The following ZNF536 variants were observed in gnomAD, a reference collection of about 807,000 sequenced individuals.
The protein encoded by ZNF536 is zinc finger protein 536.
A neutral mutation model predicts 84.5 loss-of-function variants in ZNF536; 13 were observed. The observed-to-expected ratio is 0.15, with a 90% CI of 0.10 to 0.24. The LOEUF is 0.24. ZNF536 is among the 10% of genes least tolerant of loss of function. ZNF536 has a pLI of 1.00. For missense variants in ZNF536, 1,536 were observed against 1,747.5 expected, an observed-to-expected ratio of 0.88 and a Z score of 2.16; for synonymous variants, 811 against 742.5, an observed-to-expected ratio of 1.09 and a Z score of -1.50.
At chr19:30,259,179 A>G (rs79622295) in intron 1 of ZNF536, among the ~76,000 whole-genome samples, 3 of 152,172 alleles carry the variant, frequency 2.0e-5, no homozygotes, top group South Asian at 2.1e-4. Context: ...TTTGCACAGA[A>G]TGGGAACTGG....
At chr19:30,346,918 AAC>A (rs75485758) in intron 2 of ZNF536, among the ~76,000 whole-genome samples, 4,614 of 152,298 alleles carry the variant, frequency 0.03, 114 homozygotes, top group Non-Finnish European at 0.047. Flanking sequence ...TTGAGGAATC[AAC>A]ACAGTCTTCC....
At chr19:30,633,945 A>C (rs1289252733) in intron 1 of ZNF536, among the ~76,000 whole-genome samples, 1 of 152,048 alleles carries the variant, frequency 6.6e-6, no homozygotes, top group Non-Finnish European at 1.5e-5. Flanking sequence ...TCTTCTTTTA[A>C]TCAGCACATC....
chr19:30,555,823 G>A (rs755129826), intron 4 of ZNF536: 1 of 152,274 alleles, frequency 6.6e-6, no homozygotes, highest in Non-Finnish European at 1.5e-5. Flanking sequence ...TAATGAAGAA[G>A]GGAGGTGAAG....
intron 1 of ZNF536, among the ~76,000 whole-genome samples, chr19:30,689,051 C>T (rs914640143): frequency 6.6e-6 from 1 of 152,260 alleles, no homozygotes; most frequent in Non-Finnish European, 1.5e-5. Context: ...GTGTCATCCC[C>T]TTAGACCTGG....
downstream of ZNF536, among the ~76,000 whole-genome samples, chr19:30,558,650 G>A (rs1293045652): frequency 6.6e-6 from 1 of 152,208 alleles, no homozygotes; most frequent in Non-Finnish European, 1.5e-5. Flanking sequence ...TCCTGGTGGG[G>A]AGAGAGGTGT....
chr19:30,397,383 A>C (rs1478961348), intron 1 of ZNF536, among the ~76,000 whole-genome samples: 1 of 152,222 alleles, frequency 6.6e-6, no homozygotes, highest in Non-Finnish European at 1.5e-5. Context: ...AGATGAGTGC[A>C]TGTGAAACTG....
At chr19:30,385,676 C>T (rs1051071631) in intron 1 of ZNF536, among the ~76,000 whole-genome samples, 1 of 152,208 alleles carries the variant, frequency 6.6e-6, no homozygotes, top group African/African-American at 2.4e-5. Context: ...CACCTGTCCA[C>T]CCCTGCGTCT....
intron 4 of ZNF536, chr19:30,554,711 A>G (rs1401451042): frequency 6.6e-6 from 1 of 152,202 alleles, no homozygotes; most frequent in Admixed American, 6.5e-5. Context: ...TACCATAGAC[A>G]ATAGGAAAAT....
chr19:30,456,381 C>G (rs541285234), intron 2 of ZNF536, among the ~76,000 whole-genome samples: 1 of 142,604 alleles, frequency 7.0e-6, no homozygotes, highest in East Asian at 2.1e-4. Flanking sequence ...GTGACCTCAT[C>G]GATCATTCTG....
At chr19:30,515,841 C>CA (rs1178814089) in intron 2 of ZNF536, among the ~76,000 whole-genome samples, 2 of 151,872 alleles carry the variant, frequency 1.3e-5, no homozygotes, top group Admixed American at 6.6e-5. Flanking sequence ...GCCTGGCCAA[C>CA]ATGGTGAAAC....
chr19:30,590,220 C>T (rs550783078), intron 1 of ZNF536, among the ~76,000 whole-genome samples: 8 of 152,206 alleles, frequency 5.3e-5, no homozygotes, highest in Admixed American at 3.9e-4. Flanking sequence ...ACTTGGTGGG[C>T]GTCCTTCTGG....
At chr19:30,373,937 C>T (rs936812590) in intron 1 of ZNF536, among the ~76,000 whole-genome samples, 3 of 152,204 alleles carry the variant, frequency 2.0e-5, no homozygotes, top group African/African-American at 7.2e-5. Flanking sequence ...GGGCCGCAGC[C>T]CACCCGCCGC....
intron 2 of ZNF536, among the ~76,000 whole-genome samples, chr19:30,521,803 C>T (rs913180670): frequency 7.2e-5 from 11 of 152,004 alleles, no homozygotes; most frequent in Admixed American, 4.6e-4. Context: ...GTGCTAACCG[C>T]GGTGATAACT....
At chr19:30,593,455 G>A (rs934394996) in intron 1 of ZNF536, among the ~76,000 whole-genome samples, 2 of 152,106 alleles carry the variant, frequency 1.3e-5, no homozygotes, top group Non-Finnish European at 2.9e-5. Context: ...CAGCAGACAG[G>A]CCACACCCAG....
At chr19:30,702,851 A>T (rs2148012079) in intron 1 of ZNF536, among the ~76,000 whole-genome samples, 1 of 152,320 alleles carries the variant, frequency 6.6e-6, no homozygotes. Context: ...TGTGCCAAGC[A>T]CCGTGCTGGG....
intron 1 of ZNF536, among the ~76,000 whole-genome samples, chr19:30,399,679 G>GTTTTTT (rs71171801): frequency 1.8e-5 from 2 of 112,872 alleles, no homozygotes; most frequent in Non-Finnish European, 3.7e-5. Context: ...AATAAGAAAT[G>GTTTTTT]TTTTTTTTTT....
At chr19:30,489,224 T>C (rs1244831836) in intron 2 of ZNF536, among the ~76,000 whole-genome samples, 1 of 152,200 alleles carries the variant, frequency 6.6e-6, no homozygotes, top group African/African-American at 2.4e-5. Flanking sequence ...AACCAGCCAT[T>C]TGTGACTTGT....
intron 1 of ZNF536, among the ~76,000 whole-genome samples, chr19:30,660,384 AC>A (rs1368592534): frequency 1.3e-5 from 2 of 151,932 alleles, no homozygotes; most frequent in Non-Finnish European, 2.9e-5. Flanking sequence ...TGCTGTTGAC[AC>A]CCCTGGTTCT....
At chr19:30,628,885 A>G (rs945474199) in intron 1 of ZNF536, among the ~76,000 whole-genome samples, 1 of 152,032 alleles carries the variant, frequency 6.6e-6, no homozygotes, top group Non-Finnish European at 1.5e-5. Flanking sequence ...TTGTATTTTT[A>G]GTAGAGATGG....
Sources: gnomAD v4.1 joint callset for allele counts (sites outside exome capture counted in the v4.1 genomes callset) on GRCh38, gnomAD v4.1.1 for gene constraint, MANE v1.5 for transcripts, NCBI Gene and HGNC (gene_info 2026-07-23, HGNC 2026-07-21) for gene names.